SOCS2: variants seen among roughly 807,000 people sequenced by gnomAD.
SOCS2 encodes the protein suppressor of cytokine signaling 2, also known as CIS-2.
SOCS2 carries 10 observed loss-of-function variants against 18.6 expected under a neutral mutation model. The ratio of observed to expected loss-of-function variants is 0.54; its 90% CI spans 0.33 to 0.91. The LOEUF (loss-of-function observed/expected upper bound fraction) is 0.91. Ranked by LOEUF, SOCS2 falls within the 40% of genes least tolerant of loss-of-function variation. SOCS2 has a pLI of 0.02. For synonymous variants in SOCS2, 104 were observed against 104.0 expected (o/e 1.00, Z 0.00); for missense variants, 231 against 247.2 (o/e 0.93, Z 0.44).
At chr12:93,615,874 G>T in the SOCS2 span, among the ~76,000 whole-genome samples, 1 of 152,222 alleles carries the variant, frequency 6.6e-6, no homozygotes, top group Non-Finnish European at 1.5e-5. Context: ...GGGATTACAG[G>T]TGTAAGCCAC....
the SOCS2 span, among the ~76,000 whole-genome samples, chr12:93,622,648 C>A: frequency 1.4e-4 from 21 of 152,204 alleles, no homozygotes; most frequent in African/African-American, 5.1e-4. Context: ...TGCCAATACT[C>A]TGGTTGGAAG....
At chr12:93,587,750 A>T (rs1213978244), downstream of SOCS2, among the ~76,000 whole-genome samples, 1 of 151,948 alleles carries the variant, frequency 6.6e-6, no homozygotes, top group African/African-American at 2.4e-5. Flanking sequence ...AGAGCAGACC[A>T]CACGAAGGTG....
chr12:93,614,719 G>T, the SOCS2 span, among the ~76,000 whole-genome samples: 83 of 149,942 alleles, frequency 5.5e-4, no homozygotes, highest in Admixed American at 1.5e-3. Flanking sequence ...GGGTTCAAGC[G>T]ATTCTCCTGC....
intron 1 of SOCS2, 43 bp from the exon 2 acceptor site, chr12:93,574,679 T>G: frequency 7.3e-7 from 1 of 1,372,010 alleles, no homozygotes; most frequent in Non-Finnish European, 9.9e-7. Flanking sequence ...TTATAATAAC[T>G]GTTTTACCCT....
the SOCS2 span, among the ~76,000 whole-genome samples, chr12:93,597,709 A>G: frequency 3.9e-5 from 6 of 152,188 alleles, no homozygotes; most frequent in African/African-American, 7.2e-5. Context: ...TGTAATCACC[A>G]CTCAGCCATA....
the SOCS2 span, among the ~76,000 whole-genome samples, chr12:93,612,267 T>G: frequency 6.6e-6 from 1 of 152,206 alleles, no homozygotes; most frequent in Non-Finnish European, 1.5e-5. Context: ...TGCCTGAAAT[T>G]CAACCTCTCC....
the SOCS2 span, among the ~76,000 whole-genome samples, chr12:93,619,711 A>G: frequency 1.3e-5 from 2 of 152,164 alleles, no homozygotes; most frequent in African/African-American, 4.8e-5. Flanking sequence ...ATTCCAACTG[A>G]GGTTCCAAGT....
chr12:93,613,223 G>T, the SOCS2 span, among the ~76,000 whole-genome samples: 10 of 152,202 alleles, frequency 6.6e-5, no homozygotes, highest in African/African-American at 2.2e-4. Context: ...AAACAACAAA[G>T]CTTCTGTATA....
chr12:93,622,305 A>G, the SOCS2 span, among the ~76,000 whole-genome samples: 17 of 152,200 alleles, frequency 1.1e-4, no homozygotes, highest in Non-Finnish European at 2.4e-4. Context: ...AGTCGCTTCA[A>G]CTAAGAATTT....
chr12:93,582,731 C>G (rs922966923), intron 1 of SOCS2, among the ~76,000 whole-genome samples: 4 of 152,196 alleles, frequency 2.6e-5, no homozygotes, highest in African/African-American at 9.7e-5. Context: ...GGGGTCCACT[C>G]TGGTTCTCTG....
chr12:93,570,721 AG>A (rs1318817365), upstream of SOCS2: 1 of 152,232 alleles, frequency 6.6e-6, no homozygotes, highest in Non-Finnish European at 1.5e-5. Context: ...GTGGCCGGGG[AG>A]ATCTCTAGCT....
At chr12:93,599,581 T>C in the SOCS2 span, among the ~76,000 whole-genome samples, 4 of 152,356 alleles carry the variant, frequency 2.6e-5, no homozygotes, top group South Asian at 8.3e-4. Flanking sequence ...TGCACTACTG[T>C]GGTTTGAATG....
chr12:93,602,590 C>G, the SOCS2 span, among the ~76,000 whole-genome samples: 1 of 152,104 alleles, frequency 6.6e-6, no homozygotes, highest in Non-Finnish European at 1.5e-5. Flanking sequence ...CTACAAGAGA[C>G]TTTGGGAGAT....
the SOCS2 span, among the ~76,000 whole-genome samples, chr12:93,593,033 G>C: frequency 6.8e-6 from 1 of 146,940 alleles, no homozygotes; most frequent in South Asian, 2.1e-4. Flanking sequence ...CCTACTCTCT[G>C]TCCCCTTATC....
downstream of SOCS2, among the ~76,000 whole-genome samples, chr12:93,580,508 C>G (rs1190592884): frequency 6.6e-6 from 1 of 150,600 alleles, no homozygotes; most frequent in Non-Finnish European, 1.5e-5. Context: ...ATAGTCCCAG[C>G]TACTTGGGAG....
At chr12:93,593,010 G>A in the SOCS2 span, among the ~76,000 whole-genome samples, 3 of 142,712 alleles carry the variant, frequency 2.1e-5, no homozygotes, top group African/African-American at 7.9e-5. Context: ...TATAGTAAAA[G>A]TTTCTCCAGT....
chr12:93,574,211 T>C (rs1299967044), intron 1 of SOCS2: 1 of 147,858 alleles, frequency 6.8e-6, no homozygotes, highest in Non-Finnish European at 1.5e-5. Flanking sequence ...ATTCTTTTTT[T>C]TTTTTTTTTT....
the SOCS2 span, among the ~76,000 whole-genome samples, chr12:93,623,430 A>G: frequency 6.6e-6 from 1 of 151,780 alleles, no homozygotes; most frequent in African/African-American, 2.4e-5. Flanking sequence ...ATTATTTTTT[A>G]ATTTATTATT....
At chr12:93,574,517 G>T in intron 1 of SOCS2, 1 of 432,146 alleles carries the variant, frequency 2.3e-6, no homozygotes. Context: ...CTCGCCGTTT[G>T]TGTTCATAAA....
Sources: allele counts gnomAD v4.1 joint callset (sites outside exome capture counted in the v4.1 genomes callset), GRCh38; gene constraint gnomAD v4.1.1; transcripts MANE v1.5; gene names NCBI Gene and HGNC (gene_info 2026-07-23, HGNC 2026-07-21).